Variants in AMPD3 observed in about 807,000 individuals in gnomAD.
AMPD3 encodes adenosine monophosphate deaminase 3.
In AMPD3, 57 loss-of-function variants were observed where a neutral mutation model predicts 82.3. The ratio of observed to expected loss-of-function variants is 0.69; its 90% CI spans 0.56 to 0.86. AMPD3 has a LOEUF of 0.86. Ranked by LOEUF, AMPD3 falls within the 40% of genes least tolerant of loss-of-function variation. AMPD3 has a pLI of 0.00. For missense variants in AMPD3, 870 were observed against 1,003.8 expected (o/e 0.87, Z 1.80); for synonymous variants, 381 against 394.7 (o/e 0.97, Z 0.41).
intron 2 of AMPD3, among the ~76,000 whole-genome samples, chr11:10,476,559 C>T (rs966229563): frequency 1.1e-4 from 17 of 151,778 alleles, no homozygotes; most frequent in African/African-American, 3.9e-4. Flanking sequence ...GTTGGTAGGA[C>T]CAGACCTCAG....
intron 3 of AMPD3, 106 bp from the exon 4 acceptor site, chr11:10,481,957 G>A: frequency 7.1e-7 from 1 of 1,414,344 alleles, no homozygotes; most frequent in Non-Finnish European, 1.0e-6. Context: ...CTGAAATCTA[G>A]GTTCCCAGAT....
rs577195011 is a variant in AMPD3 at position 10,476,109 on chromosome 11, C to G, written c.222-2417C>G. Reference sequence around the variant, plus strand: ...TGTTCTGCAGCAATAGAAAACAAATCCAGGGTCATCCTTGGGCTCCATATA... The same window carrying G: ...TGTTCTGCAGCAATAGAAAACAAATGCAGGGTCATCCTTGGGCTCCATATA... On this transcript the variant is annotated intron_variant, in intron 2 of 14. Coordinates refer to ENST00000396553, the MANE Select transcript of AMPD3 (RefSeq NM_001025389.2). Among the ~76,000 whole-genome samples, 3 of 152,304 alleles carry G rather than the reference C, an allele frequency of 2.0e-5. No individual in the cohort carries two copies. In the South Asian group the frequency reaches 6.2e-4, roughly 32 times the overall value.
At chr11:10,501,637 C>G in intron 12 of AMPD3, 47 bp downstream of exon 12, 1 of 1,613,856 alleles carries the variant, frequency 6.2e-7, no homozygotes, top group Non-Finnish European at 8.5e-7. Flanking sequence ...CTGCCCTGCC[C>G]TGGGCTCCTG....
At chr11:10,454,224 C>G (rs571253830), upstream of AMPD3, among the ~76,000 whole-genome samples, 1 of 152,118 alleles carries the variant, frequency 6.6e-6, no homozygotes, top group African/African-American at 2.4e-5. Context: ...GGAGTCTTCC[C>G]GCCTTTTGGC....
intron 12 of AMPD3, chr11:10,501,831 A>G (rs1196347073): frequency 1.0e-6 from 1 of 982,156 alleles, no homozygotes; most frequent in Admixed American, 6.1e-5. Context: ...AGAAATAGCC[A>G]TTATTAGCTT....
upstream of AMPD3, among the ~76,000 whole-genome samples, chr11:10,453,264 T>C (rs11820349): frequency 0.011 from 1,641 of 152,300 alleles, 25 homozygotes; most frequent in African/African-American, 0.037. Context: ...GTCTACGTTT[T>C]TAGCCATACA....
At chr11:10,491,678 G>A (rs1564852164) in intron 6 of AMPD3, among the ~76,000 whole-genome samples, 1 of 152,182 alleles carries the variant, frequency 6.6e-6, no homozygotes, top group Non-Finnish European at 1.5e-5. Context: ...AGGGAAGGGA[G>A]TAGTAGGAAG....
At chr11:10,499,047 T>C (rs1025094275) in intron 10 of AMPD3, among the ~76,000 whole-genome samples, 3 of 152,034 alleles carry the variant, frequency 2.0e-5, no homozygotes, top group Admixed American at 1.3e-4. Context: ...CCAGTGGGGA[T>C]TGGAGAGCAG....
At position 10,456,194 on chromosome 11, in the gene AMPD3, G is replaced by C. The variant is rs556303381; in HGVS notation, c.-6+746G>C. 1.4e-6 allele frequency: 2 copies of C among 1,423,030 alleles called. No homozygotes were observed. The highest frequency in any genetic ancestry group is 1.6e-5 in the South Asian group (1 of 62,696). The allele number at this position is 1,423,030 out of a possible 1,614,324, so 88.2% of individuals were successfully genotyped here. A position where few individuals can be genotyped will look rare whatever the true frequency, so the allele number is the denominator to read the frequency against. Reference sequence around the variant, plus strand: ...TTCCACTCATATTTCATATTCACGAGAGAATTTCCAGCCCAGGCTTTTCCT... The same window carrying C: ...TTCCACTCATATTTCATATTCACGACAGAATTTCCAGCCCAGGCTTTTCCT... On this transcript the variant is annotated intron_variant, in intron 1 of 14. Coordinates refer to ENST00000396553, the MANE Select transcript of AMPD3 (RefSeq NM_001025389.2). This position sits in a 1 kb window ranked among gnomAD's most constrained non-coding sequence, Gnocchi z 4.3.
intron 2 of AMPD3, among the ~76,000 whole-genome samples, chr11:10,468,475 C>A (rs539254908): frequency 4.5e-4 from 69 of 152,262 alleles, no homozygotes; most frequent in African/African-American, 1.6e-3. Flanking sequence ...AGCTAACTGT[C>A]CTAAATATAT....
intron 2 of AMPD3, among the ~76,000 whole-genome samples, chr11:10,465,371 T>G (rs1848388588): frequency 6.6e-6 from 1 of 151,746 alleles, no homozygotes; most frequent in Admixed American, 6.6e-5. Context: ...TGTATTTTTT[T>G]AAGAAGCCAG....
At chr11:10,455,206 A>G, upstream of AMPD3, 1 of 985,508 alleles carries the variant, frequency 1.0e-6, no homozygotes, top group African/African-American at 1.7e-5. Context: ...GTTATTTCCC[A>G]GGACCACAGG....
intron 4 of AMPD3, among the ~76,000 whole-genome samples, chr11:10,482,514 T>C (rs144505327): frequency 6.6e-6 from 1 of 152,056 alleles, no homozygotes; most frequent in Non-Finnish European, 1.5e-5. Flanking sequence ...GTGGGAATTT[T>C]TTTTTTCTTT....
At chr11:10,481,153 A>G (rs568273220) in intron 3 of AMPD3, among the ~76,000 whole-genome samples, 1 of 152,296 alleles carries the variant, frequency 6.6e-6, no homozygotes, top group Admixed American at 6.5e-5. Context: ...GTAAGGAGCA[A>G]AATGAAATCT....
chr11:10,461,741 G>A lies in AMPD3; in HGVS notation c.221+1G>A. 1.2e-6 allele frequency: 2 copies of A among 1,605,998 alleles called. No individual in the cohort carries two copies. The highest frequency in any genetic ancestry group is 1.7e-6 in the Non-Finnish European group (2 of 1,175,826). On this transcript the variant is annotated splice_donor_variant, in intron 2 of 14. Coordinates refer to ENST00000396553, the MANE Select transcript of AMPD3 (RefSeq NM_001025389.2). LOFTEE classifies it high-confidence loss of function. ...AGAAGTCTGTGGAGACCGCAAAAAG[G>A]TTTGTTCCCAAGGCATGGTTTTCGT...
chr11:10,506,805 C>T lies in AMPD3; in HGVS notation c.*921C>T, dbSNP rs1335718659. The T allele has an allele frequency of 6.6e-6, 1 of 152,216 alleles. No individual in the cohort carries two copies. The highest frequency in any genetic ancestry group is 1.5e-5 in the Non-Finnish European group (1 of 68,050). The allele number at this position is 152,216 out of a possible 1,614,324, so 9.4% of individuals were successfully genotyped here. A position where few individuals can be genotyped will look rare whatever the true frequency, so the allele number is the denominator to read the frequency against. On this transcript the variant is annotated 3_prime_UTR_variant, in exon 15 of 15. Coordinates refer to ENST00000396553, the MANE Select transcript of AMPD3 (RefSeq NM_001025389.2). This position sits in a 1 kb window ranked among gnomAD's most constrained non-coding sequence, Gnocchi z 4.1. ...ATAAGTGAAATTTAACTTAAGGGCACACAGCTAATAAGTAATAGGCCTAAA... is the reference window on the plus strand; with the variant it reads ...ATAAGTGAAATTTAACTTAAGGGCATACAGCTAATAAGTAATAGGCCTAAA...
At chr11:10,455,806 C>A (rs1241201424) in intron 1 of AMPD3, 2 of 626,380 alleles carry the variant, frequency 3.2e-6, no homozygotes, top group African/African-American at 2.0e-5. Flanking sequence ...TTATGGGGTG[C>A]CCTTGGGAGG....
intron 2 of AMPD3, among the ~76,000 whole-genome samples, chr11:10,475,733 T>C (rs1343058454): frequency 6.6e-6 from 1 of 152,036 alleles, no homozygotes; most frequent in African/African-American, 2.4e-5. Flanking sequence ...GCAGAGAGAT[T>C]CAAAGCAACA....
intron 2 of AMPD3, among the ~76,000 whole-genome samples, chr11:10,472,814 G>A (rs1184544292): frequency 6.6e-6 from 1 of 152,094 alleles, no homozygotes; most frequent in Non-Finnish European, 1.5e-5. Flanking sequence ...GACCAGCCTG[G>A]CCAACATGTA....
Sources: allele counts gnomAD v4.1 joint callset (sites outside exome capture counted in the v4.1 genomes callset), GRCh38; gene constraint gnomAD v4.1.1; non-coding constraint Gnocchi (gnomAD v3.1); transcripts MANE v1.5; gene names NCBI Gene and HGNC (gene_info 2026-07-23, HGNC 2026-07-21).